Variants in COPB1 observed in about 807,000 individuals in gnomAD.
COPB1 encodes the protein coatomer subunit beta.
COPB1 carries 21 observed loss-of-function variants against 108.7 expected under a neutral mutation model. The ratio of observed to expected loss-of-function variants is 0.19; its 90% confidence interval spans 0.14 to 0.28. The LOEUF (loss-of-function observed/expected upper bound fraction) is 0.28, where lower values mean the gene tolerates loss of function less well. COPB1 is among the 10% of genes least tolerant of loss of function. COPB1 has a pLI of 1.00. For synonymous variants in COPB1, 378 were observed against 386.8 expected, an observed-to-expected ratio of 0.98 and a Z score of 0.27; for missense variants, 919 against 1,141.3, an observed-to-expected ratio of 0.81 and a Z score of 2.81.
intron 14 of COPB1, among the ~76,000 whole-genome samples, chr11:14,473,362 T>A (rs889591494): frequency 1.3e-5 from 2 of 152,194 alleles, no homozygotes; most frequent in Non-Finnish European, 2.9e-5. Flanking sequence ...GCTACCTACT[T>A]GGCAAAAGCA....
chr11:14,469,403 T>C lies in COPB1; in HGVS notation c.1898A>G (p.Lys633Arg). 1 of 1,614,202 alleles carries C rather than the reference T, an allele frequency of 6.2e-7. No homozygotes were observed. The highest frequency in any genetic ancestry group is 8.5e-7 in the Non-Finnish European group (1 of 1,180,018). ...CSPLMNDIFN[K>R]ECRQSLSHML... ...GTGAGAAAGGGACTGTCTGCATTCC[T>C]TATTGAAAATGTCATTCATTAAAGG... Residue 633 changes from lysine (K) to arginine (R), a missense_variant, in exon 15 of 22, where the codon AAG becomes AGG. Lys to Arg is a conservative substitution (Grantham distance 26). Transcript: ENST00000439561.
chr11:14,458,753 G>A (rs1850080798), intron 20 of COPB1, 66 bp from the exon 21 acceptor site: 3 of 1,147,684 alleles, frequency 2.6e-6, no homozygotes, highest in East Asian at 2.6e-5. Flanking sequence ...AAACCAAACA[G>A]CATAGGTGAC....
intron 8 of COPB1, among the ~76,000 whole-genome samples, chr11:14,481,924 G>A (rs1418583937): frequency 6.6e-6 from 1 of 152,074 alleles, no homozygotes; most frequent in Admixed American, 6.6e-5. Flanking sequence ...GAGTAGCTGG[G>A]ACTACAGTTG....
chr11:14,466,424 G>A lies in COPB1; in HGVS notation c.2148C>T (p.Val716=). ...GATCTGAGAAACCTGTCAATTGGGT[G>A]ACCTGTCAAAACAAAAACAAAGACA... is the stretch of plus-strand genomic sequence containing the variant. ...ADPLASKLNK[V]TQLTGFSDPV... is the part of the protein sequence containing the mutation. Residue 716 remains valine (V), a splice_region_variant and synonymous_variant, in exon 17 of 22, where the codon GTC becomes GTT. Transcript: ENST00000439561. The A allele has an allele frequency of 6.2e-7, 1 of 1,609,300 alleles. No homozygotes were observed. Among genetic ancestry groups the A allele is most frequent in the Non-Finnish European group, 8.5e-7 (1 of 1,178,286 alleles).
rs1306628812 is a variant in COPB1 at position 14,475,845 on chromosome 11, C to T, written c.1556G>A (p.Gly519Asp). The T allele has an allele frequency of 2.5e-6, 4 of 1,613,644 alleles. No homozygotes were observed. The highest frequency in any genetic ancestry group is 3.4e-6 in the Non-Finnish European group (4 of 1,179,832). ...AAGGGCACTCTGAGTTGCATAGGTA[C>T]CCATTTCAGTAACCAATTTCTGAAC... ...GPVQKLVTEM[G>D]TYATQSALSS... The change falls in exon 13 of 22, where the codon GGT (glycine) becomes GAT (aspartate). Residue 519 changes from glycine to aspartate, a missense_variant. Gly to Asp is a moderately conservative substitution (Grantham distance 94). This residue lies in a region of COPB1 where 705 missense variants were observed against 817.8 expected (regional missense o/e 0.86). Transcript: ENST00000439561.
In COPB1 at chr11:14,473,119, C is replaced by T. The variant is rs192024411; in HGVS notation, c.1737+1376G>A. 1.8e-3 allele frequency among the ~76,000 whole-genome samples: 276 copies of T among 152,162 alleles called. 1 individual carries two copies. The highest frequency in any genetic ancestry group is 6.3e-3 in the African/African-American group (261 of 41,528). On this transcript the variant is annotated intron_variant, in intron 14 of 21. Coordinates refer to ENST00000439561, the MANE Select transcript of COPB1 (RefSeq NM_001144061.2). Reference sequence around the variant, plus strand: ...CCTCCCAAGTAGCTGGGAGTACAGGCGCCTGCCACCACACCTGGCTAATTT... The same window carrying T: ...CCTCCCAAGTAGCTGGGAGTACAGGTGCCTGCCACCACACCTGGCTAATTT...
chr11:14,474,468 G>T, intron 14 of COPB1, 27 bp downstream of exon 14: 1 of 1,604,274 alleles, frequency 6.2e-7, no homozygotes, highest in South Asian at 1.1e-5. Context: ...TTTAATTGTT[G>T]GTTAAATGTA....
chr11:14,494,532 C>A, intron 2 of COPB1, 93 bp from the exon 3 acceptor site: 1 of 714,078 alleles, frequency 1.4e-6, no homozygotes. Flanking sequence ...TAAAATGTAC[C>A]TTCTTACTTC....
intron 20 of COPB1, among the ~76,000 whole-genome samples, chr11:14,459,437 A>T (rs187145144): frequency 6.6e-6 from 1 of 152,266 alleles, no homozygotes; most frequent in East Asian, 1.9e-4. Context: ...TAAAGAAAAA[A>T]GTTCCTTAGA....
At position 14,479,467 on chromosome 11, in the gene COPB1, T is replaced by G. The variant is rs1372181100; in HGVS notation, c.1358+102A>C. The G allele has an allele frequency of 2.6e-6, 3 of 1,150,986 alleles. No homozygotes were observed. The East Asian group carries it at 7.4e-5, about 28-fold the overall frequency. 71.3% of individuals were successfully genotyped at this position (1,150,986 alleles called of 1,614,324 possible). A position where few individuals can be genotyped will look rare whatever the true frequency, so the allele number is the denominator to read the frequency against. On this transcript the variant is annotated intron_variant, in intron 11 of 21. Coordinates refer to ENST00000439561, the MANE Select transcript of COPB1 (RefSeq NM_001144061.2). ...TTGTACAAACTTGTCTTATTTTGGCTTGATTGTCCTCTCCATTCTATTTTC... is the reference window on the plus strand; with the variant it reads ...TTGTACAAACTTGTCTTATTTTGGCGTGATTGTCCTCTCCATTCTATTTTC...
At chr11:14,492,950 A>C (rs1457388024) in intron 4 of COPB1, among the ~76,000 whole-genome samples, 1 of 152,110 alleles carries the variant, frequency 6.6e-6, no homozygotes, top group African/African-American at 2.4e-5. Context: ...GTTCGAGACC[A>C]GCCTGGCCAA....
At chr11:14,483,282 C>T (rs1372988173) in intron 7 of COPB1, 131 bp from the exon 8 acceptor site, 1 of 506,750 alleles carries the variant, frequency 2.0e-6, no homozygotes, top group African/African-American at 1.9e-5. Flanking sequence ...AAAATACACT[C>T]ATTAATTAAT....
At chr11:14,477,184 C>A (rs1182642403) in intron 11 of COPB1, among the ~76,000 whole-genome samples, 169 bp from the exon 12 acceptor site, 1 of 149,376 alleles carries the variant, frequency 6.7e-6, no homozygotes, top group Non-Finnish European at 1.5e-5. Flanking sequence ...GAGATCGAGA[C>A]CATCCTGGCT....
chr11:14,492,961 C>T (rs1447570404), intron 4 of COPB1, among the ~76,000 whole-genome samples: 2 of 152,062 alleles, frequency 1.3e-5, no homozygotes, highest in African/African-American at 4.8e-5. Context: ...GCCTGGCCAA[C>T]ATGGTGAAAC....
intron 12 of COPB1, among the ~76,000 whole-genome samples, chr11:14,476,524 A>C (rs866512346): frequency 6.6e-6 from 1 of 152,194 alleles, no homozygotes; most frequent in African/African-American, 2.4e-5. Context: ...CACTGATGTC[A>C]AGTTAGGTTG....
At chr11:14,488,019 A>C (rs1448018420) in intron 6 of COPB1, among the ~76,000 whole-genome samples, 1 of 152,244 alleles carries the variant, frequency 6.6e-6, no homozygotes, top group Non-Finnish European at 1.5e-5. Flanking sequence ...TAAAAATCCA[A>C]AATTCTTAGC....
chr11:14,468,807 GAA>G lies in COPB1; in HGVS notation c.2017_2018del (p.Phe673HisfsTer6). On this transcript the variant is annotated frameshift_variant, in exon 16 of 22. Coordinates refer to ENST00000439561, the MANE Select transcript of COPB1 (RefSeq NM_001144061.2). LOFTEE classifies it high-confidence loss of function. ...TTTCATTCTTAGCAGTTAGTTGCAT[GAA>G]GGAAATGGGGTCATCAGGCTGTACT... ...VTVQPDDPIS[F>X]MQLTAKNEMN... 6.2e-7 allele frequency: 1 copy of G among 1,614,022 alleles called. No homozygotes were observed. The highest frequency in any genetic ancestry group is 8.5e-7 in the Non-Finnish European group (1 of 1,179,942).
intron 7 of COPB1, among the ~76,000 whole-genome samples, chr11:14,484,236 C>T (rs932863285): frequency 6.6e-6 from 1 of 152,132 alleles, no homozygotes; most frequent in African/African-American, 2.4e-5. Flanking sequence ...GATATGACCA[C>T]TGCATACAAT....
Position 14,469,554 on chromosome 11 carries a change from C to T in COPB1, c.1747G>A (p.Ala583Thr), listed in dbSNP as rs1169120295. The T allele has an allele frequency of 5.6e-6, 9 of 1,613,712 alleles. No homozygotes were observed. The highest frequency in any genetic ancestry group is 6.8e-6 in the Non-Finnish European group (8 of 1,179,810). The change falls in exon 15 of 22, where the codon GCT becomes ACT. Residue 583 changes from alanine to threonine, a missense_variant. Physicochemically the swap from Ala to Thr is moderately conservative, Grantham distance 58. This residue lies in a region of COPB1 where 705 missense variants were observed against 817.8 expected (regional missense o/e 0.86). Coordinates refer to ENST00000439561, the MANE Select transcript of COPB1 (RefSeq NM_001144061.2). The stretch of plus-strand genomic sequence containing the variant: ...GTAGCCATGAGCAACATAGCCTCAG[C>T]AACAAAAGACTAAGAAAGTAAAGAA... ...QEKKKQNSFV[A>T]EAMLLMATIL...
Sources: gnomAD v4.1 joint callset for allele counts (sites outside exome capture counted in the v4.1 genomes callset) on GRCh38, gnomAD v4.1.1 for gene constraint, gnomAD v4.1.1 regional missense constraint, MANE v1.5 for transcripts, NCBI Gene and HGNC (gene_info 2026-07-23, HGNC 2026-07-21) for gene names.